Variants in SLC39A10 observed in about 807,000 individuals in gnomAD.
SLC39A10 encodes solute carrier family 39 member 10.
SLC39A10 carries 13 observed loss-of-function variants against 65.1 expected under a neutral mutation model. The ratio of observed to expected loss-of-function variants is 0.20; its 90% CI spans 0.13 to 0.32. The LOEUF is 0.32. Ranked by LOEUF, SLC39A10 falls within the 10% of genes least tolerant of loss-of-function variation. The probability of loss-of-function intolerance (pLI) is 1.00; values close to 1 mark genes in which losing one functional copy is unlikely to be tolerated. For missense variants in SLC39A10, 831 were observed against 1,018.4 expected (o/e 0.82, Z 2.50); for synonymous variants, 321 against 342.2 (o/e 0.94, Z 0.68).
At chr2:195,708,408 A>T (rs566161436) in intron 4 of SLC39A10, among the ~76,000 whole-genome samples, 1 of 152,262 alleles carries the variant, frequency 6.6e-6, no homozygotes, top group South Asian at 2.1e-4. Flanking sequence ...CTCTCACTGT[A>T]GTATGTATCT....
intron 1 of SLC39A10, among the ~76,000 whole-genome samples, chr2:195,661,198 G>T (rs965413447): frequency 1.1e-4 from 17 of 151,864 alleles, no homozygotes; most frequent in African/African-American, 4.1e-4. Flanking sequence ...AAGGTTTTAG[G>T]TTTTATTTAG....
intron 2 of SLC39A10, among the ~76,000 whole-genome samples, chr2:195,617,700 G>GTTTCT (rs58481026): frequency 0.056 from 5,435 of 97,522 alleles, 115 homozygotes; most frequent in Middle Eastern, 0.075. Flanking sequence ...GTGAGACCTT[G>GTTTCT]TTTCTTTTCT....
intron 9 of SLC39A10, among the ~76,000 whole-genome samples, chr2:195,731,694 C>T (rs1486670113): frequency 1.3e-5 from 2 of 152,080 alleles, no homozygotes; most frequent in Admixed American, 6.5e-5. Flanking sequence ...TAGAGTTTTG[C>T]ACCATGTTTG....
chr2:195,706,526 C>T (rs985643232), intron 3 of SLC39A10, 90 bp from the exon 4 acceptor site: 26 of 1,253,034 alleles, frequency 2.1e-5, no homozygotes, highest in Middle Eastern at 5.4e-4. Flanking sequence ...CTACCTTCTA[C>T]GATTCATTTA....
intron 1 of SLC39A10, chr2:195,658,320 C>T (rs1049083773): frequency 6.6e-6 from 1 of 152,224 alleles, no homozygotes; most frequent in African/African-American, 2.4e-5. Flanking sequence ...GAAGAAATAT[C>T]ACTGCAGAAC....
Position 195,737,646 on chromosome 2 carries a change from A to T in SLC39A10, c.*2605A>T. The T allele has an allele frequency of 4.0e-6, 1 of 251,064 alleles. No homozygotes were observed. The highest frequency in any genetic ancestry group is 8.4e-5 in the South Asian group (1 of 11,900). The allele number at this position is 251,064 out of a possible 1,614,324, so 15.6% of individuals were successfully genotyped here. On this transcript the variant is annotated 3_prime_UTR_variant, in exon 10 of 10. Transcript: ENST00000359634. ...TCAACAGTGGTGTGTCATTTTATGT[A>T]TGTTCCTAATGCTTATGGAACTCCT...
chr2:195,619,092 CAAAAAAAA>C (rs66627464), intron 2 of SLC39A10, among the ~76,000 whole-genome samples: 18 of 69,658 alleles, frequency 2.6e-4, no homozygotes, highest in Non-Finnish European at 4.4e-4. Flanking sequence ...GACTCTGTCT[CAAAAAAAA>C]AAAAAAAAAA....
At chr2:195,634,941 G>A (rs964598435) in intron 2 of SLC39A10, among the ~76,000 whole-genome samples, 9 of 152,080 alleles carry the variant, frequency 5.9e-5, no homozygotes, top group Non-Finnish European at 1.2e-4. Context: ...CTAGCTACTC[G>A]GGAGGCTAAG....
chr2:195,701,057 T>A (rs1691163143), intron 3 of SLC39A10, among the ~76,000 whole-genome samples: 1 of 140,986 alleles, frequency 7.1e-6, no homozygotes, highest in Admixed American at 7.3e-5. Context: ...CTACAGTGTA[T>A]ATGGATGTTG....
rs376856837 is a variant in SLC39A10, at chr2:195,632,443, GCGCT to G, written c.-12+26211_-12+26214del. Among the ~76,000 whole-genome samples the G allele has an allele frequency of 2.5e-4, 38 of 151,788 alleles. 1 individual carries two copies. The East Asian group carries it at 5.8e-3, about 23-fold the overall frequency. On this transcript the variant is annotated intron_variant, in intron 2 of 2. Transcript: ENST00000458054. ...GCCTCCTAAGTAGCTGGGACTACAG[GCGCT>G]TGCCACCACGCCTGGTTAATTTTGT... is the stretch of plus-strand genomic sequence containing the variant.
intron 3 of SLC39A10, among the ~76,000 whole-genome samples, chr2:195,697,065 C>T (rs1209124905): frequency 1.3e-5 from 2 of 151,860 alleles, no homozygotes; most frequent in Non-Finnish European, 2.9e-5. Flanking sequence ...AGGCTGAGGA[C>T]AGAGGTGGAA....
At chr2:195,732,919 T>C (rs766105981) in intron 9 of SLC39A10, among the ~76,000 whole-genome samples, 1 of 152,202 alleles carries the variant, frequency 6.6e-6, no homozygotes, top group Non-Finnish European at 1.5e-5. Flanking sequence ...GACCATTAGT[T>C]GATTTGATAA....
At chr2:195,731,598 C>T (rs1226095317) in intron 9 of SLC39A10, among the ~76,000 whole-genome samples, 1 of 151,952 alleles carries the variant, frequency 6.6e-6, no homozygotes, top group South Asian at 2.1e-4. Flanking sequence ...GTTACAGATA[C>T]AAGAAGAATG....
At chr2:195,682,433 A>G (rs905887237) in intron 2 of SLC39A10, among the ~76,000 whole-genome samples, 1 of 152,186 alleles carries the variant, frequency 6.6e-6, no homozygotes, top group Non-Finnish European at 1.5e-5. Flanking sequence ...ATTTTAAAGT[A>G]TGCATTCATT....
In SLC39A10 at chr2:195,687,391, A is replaced by ATGAGAGTTGT. The variant is rs1690569860; in HGVS notation, c.1216+3486_1216+3495dup. 7.2e-5 allele frequency among the ~76,000 whole-genome samples: 11 copies of ATGAGAGTTGT among 152,106 alleles called. 1 individual carries two copies. The highest frequency in any genetic ancestry group is 7.2e-4 in the Admixed American group (11 of 15,262). Reference sequence around the variant, plus strand: ...TGTTACCTGTGGATTATGACTTTTAATGAGAGTTGTCTGTATTGTAATATT... The same window carrying ATGAGAGTTGT: ...TGTTACCTGTGGATTATGACTTTTAATGAGAGTTGTTGAGAGTTGTCTGTATTGTAATATT... On this transcript the variant is annotated intron_variant, in intron 3 of 9. Transcript: ENST00000359634.
intron 1 of SLC39A10, chr2:195,670,502 C>T (rs1323257084): frequency 6.6e-6 from 1 of 152,122 alleles, no homozygotes; most frequent in Non-Finnish European, 1.5e-5. Flanking sequence ...ATTTAAGGAT[C>T]TAGTTAACCT....
chr2:195,658,035 C>CGCACGGCT (rs1380239538), intron 1 of SLC39A10: 3 of 152,416 alleles, frequency 2.0e-5, no homozygotes, highest in Admixed American at 6.5e-5. Context: ...GTGGCGCGGC[C>CGCACGGCT]GCACGGCTTT....
In SLC39A10 at chr2:195,680,647, C is replaced by T; in HGVS notation, c.605C>T (p.Thr202Ile). The change falls in exon 2 of 10, where the codon ACT becomes ATT. Residue 202 changes from threonine to isoleucine, a missense_variant. Physicochemically the swap from Thr to Ile is moderately conservative, Grantham distance 89. Transcript: ENST00000359634. The stretch of plus-strand genomic sequence containing the variant: ...CACCATTTTCATAATGATTCCATTA[C>T]TCCCAGTGAGCGTGGGGAGCCTAGC... Reference protein sequence around the residue: ...NTHHFHNDSITPSERGEPSNE... With the variant: ...NTHHFHNDSIIPSERGEPSNE... The T allele has an allele frequency of 6.2e-7, 1 of 1,614,118 alleles. No homozygotes were observed. The highest frequency in any genetic ancestry group is 8.5e-7 in the Non-Finnish European group (1 of 1,180,028).
Position 195,735,029 on chromosome 2 carries a change from C to A in SLC39A10, c.2484C>A (p.Asp828Glu). The A allele has an allele frequency of 6.2e-7, 1 of 1,609,006 alleles. No homozygotes were observed. The highest frequency in any genetic ancestry group is 1.1e-5 in the South Asian group (1 of 89,618). ...IALYEDKIVF[D>E]IQF is the part of the protein sequence containing the mutation. ...TCTATGAAGATAAAATTGTGTTTGA[C>A]ATCCAGTTTTGACCTTTCCCAGTAA... The change falls in exon 10 of 10, where the codon GAC (aspartate) becomes GAA (glutamate). Residue 828 changes from aspartate to glutamate, a missense_variant. Around this residue, in one of 4 missense-constraint regions of SLC39A10, gnomAD observed 120 missense variants for 203.9 expected, o/e 0.59. Transcript: ENST00000359634.
Sources: allele counts gnomAD v4.1 joint callset (sites outside exome capture counted in the v4.1 genomes callset), GRCh38; gene constraint gnomAD v4.1.1; regional missense constraint gnomAD v4.1.1; transcripts MANE v1.5; gene names NCBI Gene and HGNC (gene_info 2026-07-23, HGNC 2026-07-21).